The following ZNF346 variants were observed in gnomAD, a reference collection of about 807,000 sequenced individuals.
ZNF346 encodes double-stranded RNA-binding zinc finger protein JAZ.
Under a neutral mutation model 33.7 loss-of-function variants are expected in ZNF346, and 23 were observed. The ratio of observed to expected loss-of-function variants is 0.68; its 90% CI spans 0.49 to 0.97. The LOEUF (loss-of-function observed/expected upper bound fraction) is 0.97, where lower values mean the gene tolerates loss of function less well. Ranked by LOEUF, ZNF346 falls within the 50% of genes least tolerant of loss-of-function variation. The pLI is 0.00. For synonymous variants in ZNF346, 134 were observed against 142.4 expected (o/e 0.94, Z 0.42); for missense variants, 340 against 371.1 (o/e 0.92, Z 0.69).
downstream of ZNF346, among the ~76,000 whole-genome samples, chr5:177,069,898 G>A (rs1457693299): frequency 6.6e-6 from 1 of 152,200 alleles, no homozygotes; most frequent in Non-Finnish European, 1.5e-5. Context: ...CTGGGCTCAA[G>A]CGATCCACCC....
At chr5:177,045,166 T>G (rs531462891) in intron 4 of ZNF346, among the ~76,000 whole-genome samples, 3 of 152,226 alleles carry the variant, frequency 2.0e-5, no homozygotes, top group Non-Finnish European at 4.4e-5. Flanking sequence ...TTCTGGGGTT[T>G]TAACCTCTGC....
chr5:177,023,174 C>T, intron 1 of ZNF346: 6 of 1,536,368 alleles, frequency 3.9e-6, no homozygotes, highest in Non-Finnish European at 5.2e-6. Flanking sequence ...GTTTTTCCCA[C>T]ATTCGAGGAC....
chr5:177,068,770 G>A (rs1253394055), downstream of ZNF346, among the ~76,000 whole-genome samples: 2 of 142,822 alleles, frequency 1.4e-5, no homozygotes, highest in South Asian at 4.4e-4. Context: ...TCCAGATTAA[G>A]GGGGAATGGA....
chr5:177,028,105 A>ATG (rs1390972682), intron 1 of ZNF346, among the ~76,000 whole-genome samples: 3 of 115,224 alleles, frequency 2.6e-5, no homozygotes, highest in Non-Finnish European at 4.8e-5. Context: ...GAGTGCAGTA[A>ATG]TGATCACTGC....
At chr5:177,059,077 G>A (rs1324517387) in intron 5 of ZNF346, among the ~76,000 whole-genome samples, 2 of 152,132 alleles carry the variant, frequency 1.3e-5, no homozygotes, top group East Asian at 1.9e-4. Context: ...TGCTGGCTTC[G>A]TTCAAGGCCA....
intron 1 of ZNF346, among the ~76,000 whole-genome samples, chr5:177,034,791 G>A (rs548769818): frequency 6.6e-6 from 1 of 152,202 alleles, no homozygotes; most frequent in Non-Finnish European, 1.5e-5. Flanking sequence ...GTCAAAAAAG[G>A]TCATGGAACT....
chr5:177,051,521 A>C (rs1041085777), intron 5 of ZNF346, among the ~76,000 whole-genome samples: 13 of 147,812 alleles, frequency 8.8e-5, no homozygotes, highest in Non-Finnish European at 1.6e-4. Context: ...TTTATATAGA[A>C]ATCCCTCTGT....
At position 177,064,456 on chromosome 5, in the gene ZNF346, A is replaced by G. The variant is rs567146176; in HGVS notation, c.798-56A>G. 1.3e-5 allele frequency: 18 copies of G among 1,373,296 alleles called. No individual in the cohort carries two copies. The South Asian group carries it at 2.0e-4, about 15-fold the overall frequency. The allele number at this position is 1,373,296 out of a possible 1,614,324, so 85.1% of individuals were successfully genotyped here. A position where few individuals can be genotyped will look rare whatever the true frequency, so the allele number is the denominator to read the frequency against. ...GGAAGGGCAGTGCTATCATTGCAGT[A>G]GGCCAATACAGCTGCCACACACTGA... On this transcript the variant is annotated intron_variant, in intron 6 of 6. Transcript: ENST00000358149.
intron 1 of ZNF346, among the ~76,000 whole-genome samples, chr5:177,031,513 T>C (rs1227481596): frequency 1.3e-5 from 2 of 152,234 alleles, no homozygotes; most frequent in Non-Finnish European, 2.9e-5. Context: ...TTTCTCTCTC[T>C]CTCACCGCTT....
chr5:177,067,224 C>T lies in ZNF346; in HGVS notation c.*2625C>T, dbSNP rs1015072636. On this transcript the variant is annotated 3_prime_UTR_variant, in exon 7 of 7. Coordinates refer to ENST00000358149, the MANE Select transcript of ZNF346 (RefSeq NM_012279.4). ...TGCCACTGTACTCCAGCCTGGACAA[C>T]AGAGCAAGACCCTGTCTCTAAAAAT... 1.3e-5 allele frequency among the ~76,000 whole-genome samples: 2 copies of T among 152,170 alleles called. No homozygotes were observed. Among genetic ancestry groups the T allele is most frequent in the South Asian group, 2.1e-4 (1 of 4,832 alleles).
chr5:177,054,424 C>CT (rs1254958827), intron 5 of ZNF346, among the ~76,000 whole-genome samples: 2 of 150,514 alleles, frequency 1.3e-5, no homozygotes, highest in Non-Finnish European at 3.0e-5. Flanking sequence ...TTGAGATGGA[C>CT]TTTCGCTCTT....
chr5:177,070,606 T>G (rs569492329), downstream of ZNF346, among the ~76,000 whole-genome samples: 54 of 152,050 alleles, frequency 3.6e-4, no homozygotes, highest in African/African-American at 1.2e-3. Context: ...AAAGAATAGG[T>G]GGATATGAAA....
At chr5:177,071,922 C>CT (rs1783524896), downstream of ZNF346, among the ~76,000 whole-genome samples, 1 of 152,194 alleles carries the variant, frequency 6.6e-6, no homozygotes, top group Non-Finnish European at 1.5e-5. Flanking sequence ...CTCTCCCAAG[C>CT]TTACTGTTCA....
At chr5:177,062,912 C>G (rs1782715105) in intron 6 of ZNF346, among the ~76,000 whole-genome samples, 2 of 152,184 alleles carry the variant, frequency 1.3e-5, no homozygotes, top group African/African-American at 4.8e-5. Context: ...CTGTCTGGCT[C>G]ACAGCATGCT....
downstream of ZNF346, among the ~76,000 whole-genome samples, chr5:177,072,181 G>C (rs968925630): frequency 1.3e-5 from 2 of 152,214 alleles, no homozygotes; most frequent in East Asian, 3.8e-4. Flanking sequence ...GAGAAAGTCA[G>C]GGACAAAGTC....
intron 1 of ZNF346, among the ~76,000 whole-genome samples, chr5:177,024,900 C>T (rs1776542160): frequency 6.6e-6 from 1 of 152,178 alleles, no homozygotes; most frequent in South Asian, 2.1e-4. Flanking sequence ...TATGTGAAAT[C>T]TAGGTAGACA....
chr5:177,053,111 G>A (rs747358190), intron 5 of ZNF346: 1 of 151,766 alleles, frequency 6.6e-6, no homozygotes, highest in Non-Finnish European at 1.5e-5. Context: ...AGGTCAAGAG[G>A]GCGAGACCAT....
chr5:177,054,306 A>G (rs1781376118), intron 5 of ZNF346, among the ~76,000 whole-genome samples: 1 of 151,844 alleles, frequency 6.6e-6, no homozygotes, highest in South Asian at 2.1e-4. Flanking sequence ...CCTGGGCTCA[A>G]GCGATCCACC....
At chr5:177,076,339 A>T (rs1783744044) in intron 8 of ZNF346, among the ~76,000 whole-genome samples, 1 of 152,178 alleles carries the variant, frequency 6.6e-6, no homozygotes, top group African/African-American at 2.4e-5. Context: ...GGTTGGCCAA[A>T]TTTTAGTCAG....
Sources: gnomAD v4.1 joint callset for allele counts (sites outside exome capture counted in the v4.1 genomes callset) on GRCh38, gnomAD v4.1.1 for gene constraint, MANE v1.5 for transcripts, NCBI Gene and HGNC (gene_info 2026-07-23, HGNC 2026-07-21) for gene names.